KATNBL1: variants seen among roughly 807,000 people sequenced by gnomAD.
KATNBL1 encodes the protein KATNB1-like protein 1.
A neutral mutation model predicts 44.7 loss-of-function variants in KATNBL1; 28 were observed. That is an observed-to-expected ratio of 0.63 (90% CI 0.46 to 0.86). The LOEUF is 0.86. KATNBL1 is among the 40% of genes least tolerant of loss of function. KATNBL1 has a pLI of 0.00. For missense variants in KATNBL1, 272 were observed against 350.7 expected (o/e 0.78, Z 1.79); for synonymous variants, 78 against 114.9 (o/e 0.68, Z 2.06).
At chr15:34,160,337 C>T (rs1164108867) in intron 2 of KATNBL1, among the ~76,000 whole-genome samples, 1 of 152,146 alleles carries the variant, frequency 6.6e-6, no homozygotes, top group Non-Finnish European at 1.5e-5. Context: ...TTCATCTCTT[C>T]TTACATATAC....
chr15:34,207,813 G>C (rs1303285731), intron 1 of KATNBL1, among the ~76,000 whole-genome samples: 3 of 152,096 alleles, frequency 2.0e-5, no homozygotes, highest in African/African-American at 7.2e-5. Context: ...ATGTTGCCTA[G>C]GCTGCTCTCG....
chr15:34,202,983 T>C (rs1221289448), intron 1 of KATNBL1, among the ~76,000 whole-genome samples: 1 of 152,116 alleles, frequency 6.6e-6, no homozygotes, highest in Non-Finnish European at 1.5e-5. Flanking sequence ...AGCAAGACTC[T>C]GTCTCAAAAA....
chr15:34,180,910 C>T (rs986914763), intron 1 of KATNBL1, among the ~76,000 whole-genome samples: 2 of 152,150 alleles, frequency 1.3e-5, no homozygotes, highest in African/African-American at 4.8e-5. Context: ...AAAAACCAAA[C>T]CAAAGCAAAA....
chr15:34,175,113 AACACACACACACAC>A (rs71119940), intron 1 of KATNBL1, among the ~76,000 whole-genome samples: 94 of 143,768 alleles, frequency 6.5e-4, no homozygotes, highest in East Asian at 2.1e-3. Context: ...TAAAATAAGC[AACACACACACACAC>A]ACACACACAC....
Position 34,152,931 on chromosome 15 carries a change from A to G in KATNBL1, c.297T>C (p.Asn99=). 2 of 1,614,046 alleles carry G rather than the reference A, an allele frequency of 1.2e-6. No homozygotes were observed. Among genetic ancestry groups the G allele is most frequent in the East Asian group, 2.2e-5 (1 of 44,874 alleles). The change falls in exon 4 of 10, where the codon AAT becomes AAC. Residue 99 remains asparagine, a synonymous_variant. Transcript: ENST00000256544. ...CTGCACAAGCCAGTTCATTTTCTTTATTTGCCATGTCACAGCCCCCACTTC... is the reference window on the plus strand; with the variant it reads ...CTGCACAAGCCAGTTCATTTTCTTTGTTTGCCATGTCACAGCCCCCACTTC... ...SPGSGGCDMA[N]KENELACAGH...
rs755776538 is a variant in KATNBL1, at chr15:34,178,648, T to C, written c.-14-14958A>G. 5.6e-4 allele frequency among the ~76,000 whole-genome samples: 83 copies of C among 149,482 alleles called. 1 individual carries two copies. In the Middle Eastern group the frequency reaches 0.033, roughly 59 times the overall value. The stretch of plus-strand genomic sequence containing the variant: ...GTGGGCACTTGTAGTCCCAGCTACT[T>C]GGGAGGCTGAGGCAGGAGAATGGCA... On this transcript the variant is annotated intron_variant, in intron 1 of 9. Transcript: ENST00000256544.
chr15:34,207,682 C>G (rs1007885341), intron 1 of KATNBL1, among the ~76,000 whole-genome samples: 20 of 152,126 alleles, frequency 1.3e-4, no homozygotes, highest in African/African-American at 4.8e-4. Flanking sequence ...CTCACTGTAG[C>G]CTTGACCTCT....
chr15:34,184,576 C>CTTTTTTT (rs71119942), intron 1 of KATNBL1, among the ~76,000 whole-genome samples: 40 of 95,182 alleles, frequency 4.2e-4, no homozygotes, highest in African/African-American at 9.8e-4. Flanking sequence ...CCTAATGTTT[C>CTTTTTTT]TTTTTTTTTT....
intron 4 of KATNBL1, 150 bp downstream of exon 4, chr15:34,152,640 A>G: frequency 3.3e-6 from 2 of 610,914 alleles, no homozygotes; most frequent in Non-Finnish European, 5.7e-6. Flanking sequence ...TGGTTAATCT[A>G]GAAAATTGTC....
At chr15:34,209,889 T>G (rs1595374329) in intron 1 of KATNBL1, 62 bp downstream of exon 1, 1 of 150,688 alleles carries the variant, frequency 6.6e-6, no homozygotes, top group African/African-American at 2.4e-5. Context: ...CCGGCTGGAG[T>G]AGCCCTGCCA....
chr15:34,183,175 A>G (rs1889616209), intron 1 of KATNBL1, among the ~76,000 whole-genome samples: 1 of 152,192 alleles, frequency 6.6e-6, no homozygotes, highest in Non-Finnish European at 1.5e-5. Flanking sequence ...GGCGACTACC[A>G]AGGCCAGCTC....
rs111810212 is a variant in KATNBL1 at position 34,141,090 on chromosome 15, G to A, written c.*1249C>T. On this transcript the variant is annotated 3_prime_UTR_variant, in exon 10 of 10. Coordinates refer to ENST00000256544, the MANE Select transcript of KATNBL1 (RefSeq NM_024713.3). ...TCAGGCATATTAAGGATGGGATGAT[G>A]TGTGAACCACCAGCAGTGGTATTAA... 5.9e-5 allele frequency: 9 copies of A among 152,346 alleles called. 1 individual carries two copies. Among genetic ancestry groups the A allele is most frequent in the African/African-American group, 2.2e-4 (9 of 41,562 alleles). The allele number at this position is 152,346 out of a possible 1,614,324, so 9.4% of individuals were successfully genotyped here. A position where few individuals can be genotyped will look rare whatever the true frequency, so the allele number is the denominator to read the frequency against.
In KATNBL1 at chr15:34,204,989, G is replaced by GT. The variant is rs565440431; in HGVS notation, c.-15+4961dup. On this transcript the variant is annotated intron_variant, in intron 1 of 9. Transcript: ENST00000256544. ...TGGAACAGGAAGGCAAAGAGGGACA[G>GT]TTTTTTTTTTTTTTTTTTCCTTTAA... 9.0e-3 allele frequency among the ~76,000 whole-genome samples: 1,221 copies of GT among 136,350 alleles called. 6 individuals carry two copies. Among genetic ancestry groups the GT allele is most frequent in the South Asian group, 0.032 (133 of 4,146 alleles). 89.5% of individuals were successfully genotyped at this position (136,350 alleles called of 152,430 possible).
At chr15:34,166,367 A>G (rs1023511844) in intron 1 of KATNBL1, among the ~76,000 whole-genome samples, 9 of 152,362 alleles carry the variant, frequency 5.9e-5, no homozygotes, top group South Asian at 2.1e-4. Context: ...CCTGCGAAGC[A>G]GCAGCCTGGC....
intron 1 of KATNBL1, among the ~76,000 whole-genome samples, chr15:34,164,525 A>G (rs1217994817): frequency 6.6e-6 from 1 of 151,996 alleles, no homozygotes; most frequent in Non-Finnish European, 1.5e-5. Context: ...CCTTTGAAAA[A>G]AAAAAAAATC....
At chr15:34,192,746 G>GA (rs1397062477) in intron 1 of KATNBL1, among the ~76,000 whole-genome samples, 4 of 152,208 alleles carry the variant, frequency 2.6e-5, no homozygotes, top group Non-Finnish European at 4.4e-5. Flanking sequence ...CATAGAAGAA[G>GA]AAAAAATCAG....
chr15:34,174,519 A>C (rs1889263798), intron 1 of KATNBL1, among the ~76,000 whole-genome samples: 1 of 152,248 alleles, frequency 6.6e-6, no homozygotes, highest in African/African-American at 2.4e-5. Context: ...AAAGTCATTT[A>C]GTTAATTAAA....
chr15:34,186,805 G>A (rs1027815442), intron 1 of KATNBL1, among the ~76,000 whole-genome samples: 3 of 152,264 alleles, frequency 2.0e-5, no homozygotes, highest in Non-Finnish European at 4.4e-5. Context: ...GCGGGAGACA[G>A]ACAAGAGTCC....
chr15:34,145,776 T>C lies in KATNBL1; in HGVS notation c.789-285A>G, dbSNP rs377113621. On this transcript the variant is annotated intron_variant, in intron 8 of 9. Coordinates refer to ENST00000256544, the MANE Select transcript of KATNBL1 (RefSeq NM_024713.3). ...TCTTGGAAACAACAAAGGATGTTTT[T>C]TCAATTCCAAAATTAATAAAATTTC... The C allele has an allele frequency of 1.3e-4, 22 of 164,982 alleles. No homozygotes were observed. The East Asian group carries it at 3.3e-3, about 25-fold the overall frequency. 10.2% of individuals were successfully genotyped at this position (164,982 alleles called of 1,614,324 possible).
Sources: allele counts gnomAD v4.1 joint callset (sites outside exome capture counted in the v4.1 genomes callset), GRCh38; gene constraint gnomAD v4.1.1; transcripts MANE v1.5; gene names NCBI Gene and HGNC (gene_info 2026-07-23, HGNC 2026-07-21).